PLCB4: variants seen among roughly 807,000 people sequenced by gnomAD.
PLCB4 encodes the protein phospholipase C beta 4, also known as 1-phosphatidylinositol 4,5-bisphosphate phosphodiesterase beta-4.
A neutral mutation model predicts 178.8 loss-of-function variants in PLCB4; 77 were observed. The observed-to-expected ratio is 0.43, with a 90% CI of 0.36 to 0.52. The LOEUF is 0.52. PLCB4 is among the 20% of genes least tolerant of loss of function. PLCB4 has a pLI of 0.00. For synonymous variants in PLCB4, 496 were observed against 490.8 expected (o/e 1.01, Z -0.14); for missense variants, 1,024 against 1,453.4 (o/e 0.70, Z 4.80).
intron 2 of PLCB4, among the ~76,000 whole-genome samples, chr20:9,125,016 A>C (rs2092074356): frequency 1.3e-5 from 2 of 152,276 alleles, no homozygotes; most frequent in Non-Finnish European, 2.9e-5. Flanking sequence ...GATGCATTGT[A>C]ATGTTAAGCC....
chr20:9,361,720 G>A (rs973180655), intron 7 of PLCB4, among the ~76,000 whole-genome samples: 2 of 152,190 alleles, frequency 1.3e-5, no homozygotes, highest in African/African-American at 4.8e-5. Context: ...TACTCTGTTA[G>A]AACGCAGTCA....
intron 28 of PLCB4, among the ~76,000 whole-genome samples, chr20:9,427,797 C>T (rs1435136202): frequency 6.6e-6 from 1 of 152,104 alleles, no homozygotes. Context: ...GGGAGGGGAG[C>T]AAATAAGAGA....
chr20:9,366,418 A>AG (rs1234644651), intron 9 of PLCB4, among the ~76,000 whole-genome samples: 1 of 149,976 alleles, frequency 6.7e-6, no homozygotes, highest in African/African-American at 2.5e-5. Flanking sequence ...AAAAAAAAAA[A>AG]GACTTGAGTG....
chr20:9,138,683 C>T (rs2092430972), intron 2 of PLCB4, among the ~76,000 whole-genome samples: 1 of 152,104 alleles, frequency 6.6e-6, no homozygotes, highest in African/African-American at 2.4e-5. Flanking sequence ...AGCATCCATA[C>T]TTCACAATCA....
intron 36 of PLCB4, among the ~76,000 whole-genome samples, chr20:9,469,362 C>G (rs1434939062): frequency 6.6e-6 from 1 of 152,218 alleles, no homozygotes; most frequent in Admixed American, 6.5e-5. Flanking sequence ...AGGTGTCAGT[C>G]CGTTCTGGAT....
At chr20:9,330,517 AG>A (rs2031484746) in intron 4 of PLCB4, among the ~76,000 whole-genome samples, 1 of 152,202 alleles carries the variant, frequency 6.6e-6, no homozygotes, top group Non-Finnish European at 1.5e-5. Flanking sequence ...CAAGTCAGAC[AG>A]GCATGGGCTT....
intron 2 of PLCB4, among the ~76,000 whole-genome samples, chr20:9,206,299 CTT>C (rs71184138): frequency 3.4e-4 from 33 of 96,082 alleles, no homozygotes; most frequent in African/African-American, 6.6e-4. Context: ...TTTCTTTTTT[CTT>C]TTTTTTTTTT....
intron 1 of PLCB4, among the ~76,000 whole-genome samples, chr20:9,069,838 AG>A (rs1437303005): frequency 1.3e-4 from 20 of 152,344 alleles, no homozygotes; most frequent in African/African-American, 4.3e-4. Flanking sequence ...AACTTTATCT[AG>A]AATCATAAAA....
chr20:9,417,342 G>A (rs890091784), intron 25 of PLCB4, among the ~76,000 whole-genome samples: 4 of 151,914 alleles, frequency 2.6e-5, no homozygotes, highest in African/African-American at 7.3e-5. Context: ...CATTTTCATC[G>A]CCTCAAAATC....
chr20:9,091,656 A>T lies in PLCB4; in HGVS notation c.-134-4631A>T, dbSNP rs142277245. Reference sequence around the variant, plus strand: ...CTAGTGCCTAACTGGGGAGCGGTGAAGACTGCATGAAATACTAGATGCAAA... The same window carrying T: ...CTAGTGCCTAACTGGGGAGCGGTGATGACTGCATGAAATACTAGATGCAAA... On this transcript the variant is annotated intron_variant, in intron 1 of 39. Transcript: ENST00000378473. 2.7e-5 allele frequency among the ~76,000 whole-genome samples: 4 copies of T among 150,666 alleles called. No homozygotes were observed. The Admixed American group carries it at 2.7e-4, about 10-fold the overall frequency.
intron 13 of PLCB4, 60 bp downstream of exon 13, chr20:9,380,222 C>A: frequency 3.5e-6 from 3 of 850,096 alleles, no homozygotes; most frequent in Non-Finnish European, 5.7e-6. Context: ...ACTTTTAAAG[C>A]CTTGGTTTAT....
intron 17 of PLCB4, among the ~76,000 whole-genome samples, chr20:9,391,141 C>G (rs2038105787): frequency 6.6e-6 from 1 of 152,204 alleles, no homozygotes; most frequent in African/African-American, 2.4e-5. Flanking sequence ...CAAAATAAAT[C>G]ACTGAGTAAT....
chr20:9,139,708 C>A (rs1300525345), intron 2 of PLCB4, among the ~76,000 whole-genome samples: 1 of 143,866 alleles, frequency 7.0e-6, no homozygotes, highest in Non-Finnish European at 1.5e-5. Flanking sequence ...CCATTTAAAA[C>A]CACATTTTTT....
At chr20:9,360,416 C>T (rs919710694) in intron 7 of PLCB4, among the ~76,000 whole-genome samples, 2 of 151,466 alleles carry the variant, frequency 1.3e-5, no homozygotes, top group Non-Finnish European at 2.9e-5. Flanking sequence ...TTTATTTCGA[C>T]AAACAACTAA....
intron 34 of PLCB4, among the ~76,000 whole-genome samples, chr20:9,458,907 T>A (rs1276699680): frequency 6.6e-6 from 1 of 152,220 alleles, no homozygotes; most frequent in Non-Finnish European, 1.5e-5. Context: ...CTATCAGGGT[T>A]GACACAGTAA....
At chr20:9,082,136 G>T (rs976416742) in intron 1 of PLCB4, among the ~76,000 whole-genome samples, 3 of 151,922 alleles carry the variant, frequency 2.0e-5, no homozygotes, top group African/African-American at 7.3e-5. Context: ...TTTCAAACTT[G>T]GTTGGAAATT....
intron 28 of PLCB4, among the ~76,000 whole-genome samples, chr20:9,431,174 C>T (rs1258962454): frequency 6.6e-6 from 1 of 152,142 alleles, no homozygotes; most frequent in East Asian, 1.9e-4. Flanking sequence ...CTTCTGGTGG[C>T]TTCAGACAGT....
At chr20:9,450,050 C>T (rs138035305) in intron 32 of PLCB4, among the ~76,000 whole-genome samples, 1 of 152,310 alleles carries the variant, frequency 6.6e-6, no homozygotes, top group East Asian at 1.9e-4. Flanking sequence ...CCAAAAGAAG[C>T]TGAATTTACT....
At chr20:9,099,319 T>A (rs1057077772) in intron 2 of PLCB4, among the ~76,000 whole-genome samples, 6 of 152,136 alleles carry the variant, frequency 3.9e-5, no homozygotes, top group Non-Finnish European at 8.8e-5. Context: ...TTATTAGATA[T>A]TAGATTAGGT....
Sources: allele counts gnomAD v4.1 joint callset (sites outside exome capture counted in the v4.1 genomes callset), GRCh38; gene constraint gnomAD v4.1.1; transcripts MANE v1.5; gene names NCBI Gene and HGNC (gene_info 2026-07-23, HGNC 2026-07-21).